The following MCTP2 variants were observed in gnomAD, a reference collection of about 807,000 sequenced individuals.
MCTP2 encodes the protein multiple C2 and transmembrane domain-containing protein 2.
MCTP2 carries 132 observed loss-of-function variants against 111.6 expected under a neutral mutation model. The ratio of observed to expected loss-of-function variants is 1.18; its 90% CI spans 1.03 to 1.37. MCTP2 has a LOEUF of 1.37. MCTP2 is among the 40% of genes most tolerant of loss of function. The pLI is 0.00. For missense variants in MCTP2, 1,183 were observed against 1,067.9 expected (o/e 1.11, Z -1.50); for synonymous variants, 395 against 387.7 (o/e 1.02, Z -0.22).
At chr15:94,254,649 G>T (rs2072651702) in intron 1 of MCTP2, among the ~76,000 whole-genome samples, 1 of 152,170 alleles carries the variant, frequency 6.6e-6, no homozygotes, top group Non-Finnish European at 1.5e-5. Context: ...GGATGAAATT[G>T]AGCTCAGTGC....
At chr15:94,300,466 C>T (rs763311592) in intron 2 of MCTP2, among the ~76,000 whole-genome samples, 9 of 148,378 alleles carry the variant, frequency 6.1e-5, no homozygotes, top group South Asian at 2.1e-4. Context: ...GCTAAGATCG[C>T]GCCACTGCAC....
At chr15:94,268,374 A>G (rs1467177408) in intron 1 of MCTP2, among the ~76,000 whole-genome samples, 1 of 148,142 alleles carries the variant, frequency 6.8e-6, no homozygotes, top group African/African-American at 2.5e-5. Flanking sequence ...TATTTTTAGT[A>G]GAGACGGGGT....
chr15:94,452,551 A>G (rs2084529193), intron 19 of MCTP2, among the ~76,000 whole-genome samples: 1 of 151,980 alleles, frequency 6.6e-6, no homozygotes, highest in African/African-American at 2.4e-5. Context: ...CTGATAAACT[A>G]TTTTTTTCCT....
At chr15:94,469,268 A>C (rs987109683) in intron 20 of MCTP2, among the ~76,000 whole-genome samples, 12 of 152,180 alleles carry the variant, frequency 7.9e-5, no homozygotes, top group Non-Finnish European at 1.3e-4. Context: ...TCGGCACCTC[A>C]GTAGGGCGTT....
chr15:94,392,095 G>C (rs2081011756), intron 14 of MCTP2, among the ~76,000 whole-genome samples: 1 of 152,216 alleles, frequency 6.6e-6, no homozygotes, highest in Non-Finnish European at 1.5e-5. Flanking sequence ...TATAAGGCCA[G>C]GCGCGGTGGC....
chr15:94,383,220 A>G (rs1317243170), intron 12 of MCTP2, among the ~76,000 whole-genome samples: 1 of 152,218 alleles, frequency 6.6e-6, no homozygotes, highest in Non-Finnish European at 1.5e-5. Context: ...CTAAAGAGCC[A>G]TTTTTACACT....
At chr15:94,290,740 A>G (rs1230912961) in intron 1 of MCTP2, among the ~76,000 whole-genome samples, 1 of 152,242 alleles carries the variant, frequency 6.6e-6, no homozygotes. Context: ...CACAAACCAA[A>G]AGTAAATTAG....
chr15:94,233,135 G>A (rs2070306415), intron 1 of MCTP2, among the ~76,000 whole-genome samples: 1 of 152,108 alleles, frequency 6.6e-6, no homozygotes, highest in Non-Finnish European at 1.5e-5. Context: ...TATATTCATA[G>A]ATCCTATCTC....
intron 14 of MCTP2, among the ~76,000 whole-genome samples, chr15:94,396,040 G>C (rs908593508): frequency 6.6e-6 from 1 of 152,070 alleles, no homozygotes; most frequent in African/African-American, 2.4e-5. Flanking sequence ...TCAGCTTATT[G>C]CCTAATATTA....
intron 1 of MCTP2, among the ~76,000 whole-genome samples, chr15:94,287,279 T>C (rs1271419106): frequency 2.0e-5 from 3 of 152,106 alleles, no homozygotes; most frequent in Non-Finnish European, 4.4e-5. Flanking sequence ...TGTTTATATG[T>C]TTGTAATTCT....
chr15:94,445,200 C>G (rs2084046900), intron 19 of MCTP2, among the ~76,000 whole-genome samples: 1 of 152,196 alleles, frequency 6.6e-6, no homozygotes, highest in Non-Finnish European at 1.5e-5. Flanking sequence ...AAACCCATAC[C>G]AGTTGTGCCA....
At chr15:94,403,098 A>C in intron 17 of MCTP2, 1 of 986,552 alleles carries the variant, frequency 1.0e-6, no homozygotes, top group Non-Finnish European at 1.2e-6. Flanking sequence ...TTCCTTTGCC[A>C]TTGGGGGGTA....
chr15:94,245,218 GTA>G (rs200864560), intron 1 of MCTP2, among the ~76,000 whole-genome samples: 12,094 of 138,518 alleles, frequency 0.087, 698 homozygotes, highest in East Asian at 0.2. Flanking sequence ...ATACATATGT[GTA>G]TATATACATA....
At chr15:94,352,898 A>T (rs1026923950) in intron 8 of MCTP2, among the ~76,000 whole-genome samples, 1 of 152,248 alleles carries the variant, frequency 6.6e-6, no homozygotes, top group South Asian at 2.1e-4. Flanking sequence ...CCTATCAAGT[A>T]TGGAAGAGAA....
At chr15:94,363,344 G>A (rs2079034957) in intron 10 of MCTP2, among the ~76,000 whole-genome samples, 1 of 152,164 alleles carries the variant, frequency 6.6e-6, no homozygotes, top group African/African-American at 2.4e-5. Context: ...AATGAGGGCT[G>A]CAGGTCCTGG....
At chr15:94,355,869 G>A in intron 8 of MCTP2, 1 of 1,004,630 alleles carries the variant, frequency 1.0e-6, no homozygotes, top group Non-Finnish European at 1.2e-6. Flanking sequence ...CCACCAAAGA[G>A]CGCATCTGGG....
chr15:94,322,849 A>C lies in MCTP2; in HGVS notation c.637+7212A>C, dbSNP rs6497198. On this transcript the variant is annotated intron_variant, in intron 4 of 22. Transcript: ENST00000357742. ...AGAATATGGTGTCTCCCTTAGGAAA[A>C]GACAGCTCACAAACCCCAAGAAAGG... Among the ~76,000 whole-genome samples the C allele has an allele frequency of 4.7e-3, 721 of 152,298 alleles. 2 individuals carry two copies. Among genetic ancestry groups the C allele is most frequent in the African/African-American group, 0.017 (695 of 41,530 alleles).
At chr15:94,444,601 C>G (rs571585961) in intron 19 of MCTP2, among the ~76,000 whole-genome samples, 1 of 152,204 alleles carries the variant, frequency 6.6e-6, no homozygotes, top group Non-Finnish European at 1.5e-5. Flanking sequence ...CTCTTCTCAT[C>G]TCTCTTGCTC....
chr15:94,472,762 C>T (rs1412982624), intron 21 of MCTP2, among the ~76,000 whole-genome samples: 1 of 152,176 alleles, frequency 6.6e-6, no homozygotes, highest in African/African-American at 2.4e-5. Context: ...ATTGCCTCTT[C>T]TCATTATGTA....
Sources: gnomAD v4.1 joint callset for allele counts (sites outside exome capture counted in the v4.1 genomes callset) on GRCh38, gnomAD v4.1.1 for gene constraint, MANE v1.5 for transcripts, NCBI Gene and HGNC (gene_info 2026-07-23, HGNC 2026-07-21) for gene names.